Variants in FAT3 observed in about 807,000 individuals in gnomAD.
The protein encoded by FAT3 is protocadherin Fat 3.
FAT3 carries 95 observed loss-of-function variants against 310.2 expected under a neutral mutation model. The observed-to-expected ratio is 0.31, with a 90% CI of 0.26 to 0.36. FAT3 has a LOEUF of 0.36. Among genes scored for constraint, FAT3 ranks in the 10% least tolerant of loss-of-function variants. FAT3 has a pLI of 1.00. For missense variants in FAT3, 5,408 were observed against 5,715.6 expected (o/e 0.95, Z 1.74); for synonymous variants, 2,314 against 2,192.9 (o/e 1.06, Z -1.54).
intron 2 of FAT3, among the ~76,000 whole-genome samples, chr11:92,404,252 G>T (rs1049049815): frequency 1.3e-5 from 2 of 151,974 alleles, no homozygotes; most frequent in African/African-American, 4.8e-5. Flanking sequence ...TGCTTCCAAG[G>T]AGCTTTACTT....
At chr11:92,640,013 C>G (rs1176010462) in intron 3 of FAT3, among the ~76,000 whole-genome samples, 2 of 152,204 alleles carry the variant, frequency 1.3e-5, no homozygotes, top group Non-Finnish European at 2.9e-5. Flanking sequence ...ATTTCCCCTA[C>G]TGTCCTTGGC....
intron 1 of FAT3, among the ~76,000 whole-genome samples, chr11:92,334,341 C>T (rs1023909751): frequency 6.6e-6 from 1 of 152,170 alleles, no homozygotes; most frequent in Non-Finnish European, 1.5e-5. Context: ...CACCACTGCA[C>T]TCCAGCCTGG....
chr11:92,799,984 A>G lies in FAT3; in HGVS notation c.6971A>G (p.Tyr2324Cys). The change falls in exon 10 of 28, where the codon TAT becomes TGT. Residue 2324 changes from tyrosine to cysteine, a missense_variant. Physicochemically the swap from Tyr to Cys is radical, Grantham distance 194 (BLOSUM62 -2). Coordinates refer to ENST00000525166, the MANE Select transcript of FAT3 (RefSeq NM_001367949.2). ...ADSENNKMVH[Y>C]QIVQDTYNST... ...TCAGAAAACAATAAAATGGTACATT[A>G]TCAGATTGTCCAGGATACCTACAAT... The G allele has an allele frequency of 6.2e-7, 1 of 1,613,788 alleles. No individual in the cohort carries two copies. Among genetic ancestry groups the G allele is most frequent in the Non-Finnish European group, 8.5e-7 (1 of 1,179,790 alleles).
At chr11:92,282,812 A>G (rs932710353) in intron 1 of FAT3, among the ~76,000 whole-genome samples, 1 of 152,122 alleles carries the variant, frequency 6.6e-6, no homozygotes, top group Non-Finnish European at 1.5e-5. Flanking sequence ...TACATAGCTT[A>G]TGCTCTGTAA....
intron 1 of FAT3, among the ~76,000 whole-genome samples, chr11:92,265,160 G>T (rs907768304): frequency 6.6e-6 from 1 of 151,978 alleles, no homozygotes; most frequent in Non-Finnish European, 1.5e-5. Context: ...AGAGTCAGCT[G>T]TAGCCAGTTC....
intron 3 of FAT3, among the ~76,000 whole-genome samples, chr11:92,558,402 A>T (rs11019997): frequency 6.7e-6 from 1 of 150,020 alleles, no homozygotes; most frequent in African/African-American, 2.5e-5. Flanking sequence ...TGTTGTGTTT[A>T]TGTGTGTGTG....
At chr11:92,342,635 T>G (rs746857646) in intron 1 of FAT3, among the ~76,000 whole-genome samples, 1 of 152,190 alleles carries the variant, frequency 6.6e-6, no homozygotes, top group African/African-American at 2.4e-5. Flanking sequence ...CACTATTTAT[T>G]TGTCCCATTT....
chr11:92,286,905 C>G (rs907316303), intron 1 of FAT3, among the ~76,000 whole-genome samples: 8 of 152,174 alleles, frequency 5.3e-5, no homozygotes, highest in African/African-American at 1.9e-4. Context: ...CTGATTACAG[C>G]TTAGATCTTC....
At chr11:92,404,618 C>T (rs1172711206) in intron 2 of FAT3, among the ~76,000 whole-genome samples, 5 of 151,806 alleles carry the variant, frequency 3.3e-5, no homozygotes, top group Non-Finnish European at 7.4e-5. Context: ...CCAGGTACCT[C>T]TTACTTCCCA....
At chr11:92,739,015 A>G (rs775221175) in intron 4 of FAT3, among the ~76,000 whole-genome samples, 1 of 152,166 alleles carries the variant, frequency 6.6e-6, no homozygotes, top group Non-Finnish European at 1.5e-5. Flanking sequence ...TCAATAATAA[A>G]TTACCCTGGC....
At chr11:92,386,328 A>T (rs1193171076) in intron 2 of FAT3, among the ~76,000 whole-genome samples, 1 of 152,208 alleles carries the variant, frequency 6.6e-6, no homozygotes, top group Non-Finnish European at 1.5e-5. Flanking sequence ...CCTTGCTGAT[A>T]AAATATGGAC....
chr11:92,372,274 G>C (rs543931121), intron 2 of FAT3, among the ~76,000 whole-genome samples: 1 of 151,904 alleles, frequency 6.6e-6, no homozygotes, highest in East Asian at 2.0e-4. Context: ...GGATTGGGGG[G>C]CTTCCTTATT....
chr11:92,772,430 A>G (rs1259064617), intron 6 of FAT3, among the ~76,000 whole-genome samples: 1 of 151,972 alleles, frequency 6.6e-6, no homozygotes, highest in African/African-American at 2.4e-5. Flanking sequence ...ATTTTATTTC[A>G]TGTTGTTATC....
intron 2 of FAT3, among the ~76,000 whole-genome samples, chr11:92,519,320 G>A (rs1953605381): frequency 1.3e-5 from 2 of 151,914 alleles, no homozygotes; most frequent in South Asian, 4.1e-4. Flanking sequence ...ACATGGGGCT[G>A]GAACAATGAA....
At chr11:92,631,776 C>T (rs1028361430) in intron 3 of FAT3, among the ~76,000 whole-genome samples, 1 of 151,930 alleles carries the variant, frequency 6.6e-6, no homozygotes, top group African/African-American at 2.4e-5. Flanking sequence ...TTCTTTTTTT[C>T]CTCAGTAAAC....
intron 3 of FAT3, among the ~76,000 whole-genome samples, chr11:92,673,063 G>T (rs898857158): frequency 2.0e-5 from 3 of 152,046 alleles, no homozygotes; most frequent in Non-Finnish European, 2.9e-5. Context: ...TTCTGTTTTG[G>T]ATTATTACTA....
chr11:92,619,797 TA>T (rs895924365), intron 3 of FAT3, among the ~76,000 whole-genome samples: 3 of 151,748 alleles, frequency 2.0e-5, no homozygotes, highest in Non-Finnish European at 2.9e-5. Context: ...TTGAGCTTTT[TA>T]AAAAAAACAC....
chr11:92,363,516 C>T (rs1948932370), intron 2 of FAT3, among the ~76,000 whole-genome samples: 1 of 152,158 alleles, frequency 6.6e-6, no homozygotes, highest in South Asian at 2.1e-4. Flanking sequence ...TTCTTTTTCC[C>T]AAACTTGCCT....
intron 2 of FAT3, among the ~76,000 whole-genome samples, chr11:92,436,877 G>A (rs1950951794): frequency 6.6e-6 from 1 of 152,134 alleles, no homozygotes. Flanking sequence ...GAAATATCAA[G>A]ATAAGACATA....
Sources: allele counts gnomAD v4.1 joint callset (sites outside exome capture counted in the v4.1 genomes callset), GRCh38; gene constraint gnomAD v4.1.1; transcripts MANE v1.5; gene names NCBI Gene and HGNC (gene_info 2026-07-23, HGNC 2026-07-21).